The following CRB1 variants were observed in gnomAD, a reference collection of about 807,000 sequenced individuals.
CRB1 encodes the protein crumbs cell polarity complex component 1.
A neutral mutation model predicts 120.0 loss-of-function variants in CRB1; 83 were observed. The ratio of observed to expected loss-of-function variants is 0.69; its 90% CI spans 0.58 to 0.83. The LOEUF (loss-of-function observed/expected upper bound fraction) is 0.83, where lower values mean the gene tolerates loss of function less well. Among genes scored for constraint, CRB1 ranks in the 40% least tolerant of loss-of-function variants. The pLI, the probability that CRB1 is intolerant of heterozygous loss-of-function variation, is 0.00. For synonymous variants in CRB1, 625 were observed against 612.5 expected, an observed-to-expected ratio of 1.02 and a Z score of -0.30; for missense variants, 1,699 against 1,687.6, an observed-to-expected ratio of 1.01 and a Z score of -0.12.
the CRB1 span, among the ~76,000 whole-genome samples, chr1:197,247,269 T>A: frequency 6.6e-6 from 1 of 152,106 alleles, no homozygotes; most frequent in Non-Finnish European, 1.5e-5. Context: ...GAAACCTGAA[T>A]GTTTCCACAA....
intron 1 of CRB1, among the ~76,000 whole-genome samples, chr1:197,300,712 A>T (rs778615401): frequency 9.2e-5 from 14 of 152,212 alleles, no homozygotes; most frequent in Non-Finnish European, 1.9e-4. Flanking sequence ...GCACATTTTC[A>T]GTGTAGGCAA....
chr1:197,379,605 C>CAAAAA (rs75820081), intron 5 of CRB1, among the ~76,000 whole-genome samples: 10 of 74,344 alleles, frequency 1.3e-4, no homozygotes, highest in African/African-American at 3.2e-4. Flanking sequence ...CGGCCCCGGC[C>CAAAAA]AAAAAAAAAA....
intron 11 of CRB1, among the ~76,000 whole-genome samples, chr1:197,452,137 T>C (rs1171551538): frequency 6.6e-6 from 1 of 151,936 alleles, no homozygotes; most frequent in Non-Finnish European, 1.5e-5. Context: ...AGAGAGAGAG[T>C]GCTTTATTTA....
At chr1:197,264,182 T>G (rs1654581031), upstream of CRB1, among the ~76,000 whole-genome samples, 1 of 152,322 alleles carries the variant, frequency 6.6e-6, no homozygotes, top group East Asian at 1.9e-4. Context: ...TGCATCTATG[T>G]GTACACATTA....
In CRB1 at chr1:197,477,920, A is replaced by G; in HGVS notation, c.*41A>G. The G allele has an allele frequency of 6.3e-7, 1 of 1,577,306 alleles. No homozygotes were observed. The highest frequency in any genetic ancestry group is 8.7e-7 in the Non-Finnish European group (1 of 1,146,618). ...TCGAGATGGGGATCCACACACTGTG[A>G]ATGTGATGACTGTACTTCAGGTATC... On this transcript the variant is annotated 3_prime_UTR_variant, in exon 12 of 12. Coordinates refer to ENST00000367400, the MANE Select transcript of CRB1 (RefSeq NM_201253.3).
chr1:197,247,725 C>A, the CRB1 span, among the ~76,000 whole-genome samples: 7 of 152,146 alleles, frequency 4.6e-5, no homozygotes, highest in East Asian at 1.2e-3. Flanking sequence ...GTATCACACA[C>A]CATTGCTTCC....
upstream of CRB1, among the ~76,000 whole-genome samples, chr1:197,266,050 C>T (rs1179406847): frequency 6.6e-6 from 1 of 152,142 alleles, no homozygotes; most frequent in Non-Finnish European, 1.5e-5. Flanking sequence ...TATGTTTCTG[C>T]AATATCAGAA....
At chr1:197,407,014 C>T (rs10922219) in intron 5 of CRB1, among the ~76,000 whole-genome samples, 38,131 of 152,054 alleles carry the variant, frequency 0.25, 5,297 homozygotes, top group Middle Eastern at 0.39. Flanking sequence ...CTCCAAACAC[C>T]TCCTCTCTCT....
chr1:197,228,444 C>T, the CRB1 span, among the ~76,000 whole-genome samples: 1 of 152,178 alleles, frequency 6.6e-6, no homozygotes, highest in African/African-American at 2.4e-5. Flanking sequence ...GGCAATATGC[C>T]ACCAGTCTCT....
At chr1:197,423,870 T>C (rs1664453669) in intron 6 of CRB1, among the ~76,000 whole-genome samples, 1 of 152,192 alleles carries the variant, frequency 6.6e-6, no homozygotes, top group African/African-American at 2.4e-5. Flanking sequence ...ATCTAATTTC[T>C]CAACAGAAAG....
At position 197,421,476 on chromosome 1, in the gene CRB1, A is replaced by AAT; in HGVS notation, c.1649_1650dup (p.Gln551IlefsTer23). The AAT allele has an allele frequency of 6.2e-7, 1 of 1,614,216 alleles. No homozygotes were observed. Among genetic ancestry groups the AAT allele is most frequent in the Non-Finnish European group, 8.5e-7 (1 of 1,180,042 alleles). Reference sequence around the variant, plus strand: ...CATTCACTTATCAATTCAGGTCAATAATCAGTCAAAGGTGCTTCTGTTCAT... The same window carrying AAT: ...CATTCACTTATCAATTCAGGTCAATAATATCAGTCAAAGGTGCTTCTGTTCAT... On this transcript the variant is annotated frameshift_variant, in exon 6 of 12. Coordinates refer to ENST00000367400, the MANE Select transcript of CRB1 (RefSeq NM_201253.3). LOFTEE classifies it high-confidence loss of function.
At chr1:197,245,277 T>A in the CRB1 span, among the ~76,000 whole-genome samples, 25 of 151,982 alleles carry the variant, frequency 1.6e-4, no homozygotes, top group Admixed American at 4.6e-4. Flanking sequence ...GCTTTAAAAA[T>A]TTTTTTCACT....
chr1:197,372,423 A>G (rs759425852), intron 5 of CRB1, among the ~76,000 whole-genome samples: 2 of 152,318 alleles, frequency 1.3e-5, no homozygotes, highest in Non-Finnish European at 2.9e-5. Context: ...CCCACATACA[A>G]ACATATAACA....
At chr1:197,354,816 CGCCCCCCCACCCCCCCCCCCCGCCCA>C (rs1558076214) in intron 4 of CRB1, among the ~76,000 whole-genome samples, 6 of 6,238 alleles carry the variant, frequency 9.6e-4, no homozygotes, top group East Asian at 9.6e-3. Context: ...ATCTGCCCCC[CGCCCCCCCACCCCCCCCCCCCGCCCA>C]CCCCCCCCCC....
At chr1:197,459,788 A>G (rs1666440548) in intron 11 of CRB1, among the ~76,000 whole-genome samples, 1 of 152,102 alleles carries the variant, frequency 6.6e-6, no homozygotes, top group South Asian at 2.1e-4. Context: ...TTTGGAACTC[A>G]AAGCAATACA....
the CRB1 span, among the ~76,000 whole-genome samples, chr1:197,206,138 T>C: frequency 1.1e-4 from 17 of 152,134 alleles, no homozygotes; most frequent in African/African-American, 4.1e-4. Flanking sequence ...TAATTTGATC[T>C]TCTCCTTTTT....
At chr1:197,366,742 T>C (rs1411729448) in intron 5 of CRB1, among the ~76,000 whole-genome samples, 7 of 152,176 alleles carry the variant, frequency 4.6e-5, no homozygotes, top group African/African-American at 1.7e-4. Flanking sequence ...TCAAGGTTTC[T>C]TCTAGAATTT....
chr1:197,476,608 T>C (rs933110000), intron 11 of CRB1, among the ~76,000 whole-genome samples: 2 of 152,116 alleles, frequency 1.3e-5, no homozygotes, highest in African/African-American at 4.8e-5. Context: ...TAAAATATTA[T>C]ATTAATTGTA....
chr1:197,368,141 G>T (rs1316254431), intron 5 of CRB1, among the ~76,000 whole-genome samples: 4 of 152,176 alleles, frequency 2.6e-5, no homozygotes, highest in Non-Finnish European at 5.9e-5. Flanking sequence ...TGCTGGAAGA[G>T]AAATTTTCAA....
Sources: gnomAD v4.1 joint callset for allele counts (sites outside exome capture counted in the v4.1 genomes callset) on GRCh38, gnomAD v4.1.1 for gene constraint, MANE v1.5 for transcripts, NCBI Gene and HGNC (gene_info 2026-07-23, HGNC 2026-07-21) for gene names.